The following KRT3 variants were observed in gnomAD, a reference collection of about 807,000 sequenced individuals.
The protein encoded by KRT3 is keratin, type II cytoskeletal 3.
In KRT3, 34 loss-of-function variants were observed where a neutral mutation model predicts 45.8. The observed-to-expected ratio is 0.74, with a 90% confidence interval of 0.57 to 0.99. The LOEUF is 0.99. Ranked by LOEUF, KRT3 falls within the 50% of genes least tolerant of loss-of-function variation. The probability of loss-of-function intolerance (pLI) is 0.00; values close to 1 mark genes in which losing one functional copy is unlikely to be tolerated. For synonymous variants in KRT3, 367 were observed against 329.0 expected (o/e 1.12, Z -1.25); for missense variants, 828 against 820.6 (o/e 1.01, Z -0.11).
intron 3 of KRT3, 81 bp from the exon 4 acceptor site, chr12:52,792,887 G>C (rs1939558102): frequency 7.5e-6 from 7 of 937,432 alleles, no homozygotes; most frequent in Admixed American, 1.8e-5. Context: ...AGAGCAGAGG[G>C]GACTGGTGCA....
chr12:52,795,237 G>A (rs1291834686), intron 1 of KRT3, among the ~76,000 whole-genome samples, 161 bp downstream of exon 1: 2 of 152,136 alleles, frequency 1.3e-5, no homozygotes, highest in African/African-American at 4.8e-5. Context: ...TGACCATGTA[G>A]ACAAACTCCT....
At chr12:52,793,973 G>T in intron 2 of KRT3, 138 bp downstream of exon 2, 1 of 665,210 alleles carries the variant, frequency 1.5e-6, no homozygotes. Context: ...AATGAACCAA[G>T]CTGTCCTTCA....
chr12:52,792,636 A>G (rs1939547604), intron 4 of KRT3, 75 bp downstream of exon 4: 1 of 1,153,108 alleles, frequency 8.7e-7, no homozygotes, highest in African/African-American at 1.5e-5. Context: ...GGGCCTATAT[A>G]CCAAAATGCA....
chr12:52,793,201 G>T lies in KRT3; in HGVS notation c.889C>A (p.Arg297Ser), dbSNP rs201121196. Residue 297 changes from arginine (R) to serine (S), a missense_variant, in exon 3 of 9, where the codon CGT becomes AGT. Physicochemically the swap from Arg to Ser is moderately radical, Grantham distance 110. Coordinates refer to ENST00000417996, the MANE Select transcript of KRT3 (RefSeq NM_057088.3). ...KKKYEDEINK[R>S]TAAENEFVTL... ...ACAAATTCATTCTCAGCAGCTGTAC[G>T]TTTATTGATTTCATCCTCATATCTG... 6.2e-7 allele frequency: 1 copy of T among 1,609,438 alleles called. No homozygotes were observed. The highest frequency in any genetic ancestry group is 8.5e-7 in the Non-Finnish European group (1 of 1,177,618).
At chr12:52,793,256 G>A (rs375458277) in intron 2 of KRT3, 33 bp from the exon 3 acceptor site, 1 of 1,514,876 alleles carries the variant, frequency 6.6e-7, no homozygotes, top group African/African-American at 1.4e-5. Flanking sequence ...GCTGAGTTTG[G>A]TTTTGAGGTC....
chr12:52,792,296 C>T lies in KRT3; in HGVS notation c.1131G>A (p.Gln377=). The T allele has an allele frequency of 6.2e-7, 1 of 1,614,182 alleles. No homozygotes were observed. The highest frequency in any genetic ancestry group is 2.2e-5 in the East Asian group (1 of 44,884). ...LDSIIAEVRA[Q]YEDIAQRSKA... ...TGCTTCTCTGAGCGATATCCTCATA[C>T]TGTGCACGAACTTCAGCAATGATGC... Residue 377 remains glutamine, a synonymous_variant, in exon 5 of 9, where the codon CAG becomes CAA. Transcript: ENST00000417996.
intron 6 of KRT3, 32 bp from the exon 7 acceptor site, chr12:52,791,458 A>G (rs768253920): frequency 1.2e-6 from 2 of 1,606,578 alleles, no homozygotes; most frequent in Admixed American, 1.7e-5. Context: ...GAATGAGCTC[A>G]GTAAGAGGGC....
In KRT3 at chr12:52,793,199, A is replaced by G. The variant is rs549689957; in HGVS notation, c.891T>C (p.Arg297=). 4.3e-6 allele frequency: 7 copies of G among 1,609,830 alleles called. No individual in the cohort carries two copies. The South Asian group carries it at 6.7e-5, about 15-fold the overall frequency. ...KKKYEDEINK[R]TAAENEFVTL... is the part of the protein sequence containing the mutation. ...TCACAAATTCATTCTCAGCAGCTGT[A>G]CGTTTATTGATTTCATCCTCATATC... Residue 297 remains arginine (R), a synonymous_variant, in exon 3 of 9, where the codon CGT becomes CGC. Transcript: ENST00000417996.
Position 52,790,120 on chromosome 12 carries a change from G to GC in KRT3, c.1808dup (p.Phe604LeufsTer124). ...CGCCCCGGTTGCTGGCCGAGCTGAA[G>GC]CCCCCGCCACTGACTCCATAGCGGG... On this transcript the variant is annotated frameshift_variant, in exon 9 of 9. Transcript: ENST00000417996. LOFTEE classifies it low-confidence loss of function (END_TRUNC). 1 of 1,543,846 alleles carries GC rather than the reference G, an allele frequency of 6.5e-7. No individual in the cohort carries two copies. Among genetic ancestry groups the GC allele is most frequent in the Non-Finnish European group, 8.7e-7 (1 of 1,146,776 alleles).
Position 52,795,601 on chromosome 12 carries a change from C to T in KRT3, c.442G>A (p.Gly148Ser), listed in dbSNP as rs1167053620. 6.3e-7 allele frequency: 1 copy of T among 1,595,082 alleles called. No homozygotes were observed. The highest frequency in any genetic ancestry group is 8.5e-7 in the Non-Finnish European group (1 of 1,170,682). ...GGPGGFGGSGGFGGPGSLGSP... is the reference protein window; with the variant it reads ...GGPGGFGGSGSFGGPGSLGSP... The stretch of plus-strand genomic sequence containing the variant: ...CCCAAGCTGCCAGGCCCACCAAAGC[C>T]ACCAGACCCACCAAAGCCACCAGGA... The change falls in exon 1 of 9, where the codon GGC becomes AGC. Residue 148 changes from glycine to serine, a missense_variant. Physicochemically the swap from Gly to Ser is moderately conservative, Grantham distance 56. Transcript: ENST00000417996.
chr12:52,791,890 A>T, intron 5 of KRT3, 74 bp from the exon 6 acceptor site: 1 of 1,510,020 alleles, frequency 6.6e-7, no homozygotes, highest in Non-Finnish European at 9.0e-7. Context: ...AACATCACCC[A>T]CCAAACCTTC....
Position 52,795,892 on chromosome 12 carries a change from C to T in KRT3, c.151G>A (p.Gly51Ser), listed in dbSNP as rs1352416793. ...GAYGFRSGAG[G>S]FGSRSLYNLG... is the part of the protein sequence containing the mutation. ...TTGTAGAGGCTGCGACTGCCAAAGC[C>T]ACCTGCTCCGCTCCGGAAGCCATAG... The change falls in exon 1 of 9, where the codon GGC becomes AGC. Residue 51 changes from glycine to serine, a missense_variant. Physicochemically the swap from Gly to Ser is moderately conservative, Grantham distance 56. Coordinates refer to ENST00000417996, the MANE Select transcript of KRT3 (RefSeq NM_057088.3). The T allele has an allele frequency of 6.2e-7, 1 of 1,614,028 alleles. No homozygotes were observed. The highest frequency in any genetic ancestry group is 1.1e-5 in the South Asian group (1 of 91,080).
chr12:52,793,994 G>A (rs772381292), intron 2 of KRT3, 117 bp downstream of exon 2: 1 of 729,758 alleles, frequency 1.4e-6, no homozygotes, highest in Non-Finnish European at 2.4e-6. Flanking sequence ...TGAAGGTAAG[G>A]AGAGGGAAAT....
Position 52,790,010 on chromosome 12 carries a change from G to A in KRT3, c.*32C>T, listed in dbSNP as rs1377896531. On this transcript the variant is annotated 3_prime_UTR_variant, in exon 9 of 9. Coordinates refer to ENST00000417996, the MANE Select transcript of KRT3 (RefSeq NM_057088.3). ...GGGGCGTGGGGAGCGGAGGGGAGGC[G>A]CTGGAGTGGCTGCGATGCTGATGCG... The A allele has an allele frequency of 1.3e-6, 2 of 1,532,552 alleles. No individual in the cohort carries two copies. The highest frequency in any genetic ancestry group is 8.8e-7 in the Non-Finnish European group (1 of 1,142,172). The allele number at this position is 1,532,552 out of a possible 1,614,324, so 94.9% of individuals were successfully genotyped here. A position where few individuals can be genotyped will look rare whatever the true frequency, so the allele number is the denominator to read the frequency against.
chr12:52,791,866 G>GC, intron 5 of KRT3, 50 bp from the exon 6 acceptor site: 4 of 1,584,422 alleles, frequency 2.5e-6, no homozygotes, highest in Non-Finnish European at 3.4e-6. Flanking sequence ...TGCTTGACTT[G>GC]TTTCTACACC....
At chr12:52,795,357 T>C in intron 1 of KRT3, 41 bp downstream of exon 1, 1 of 1,611,534 alleles carries the variant, frequency 6.2e-7, no homozygotes, top group South Asian at 1.1e-5. Flanking sequence ...AAATTCAAAG[T>C]CCCCAGCCCA....
chr12:52,792,552 C>T, intron 4 of KRT3, 149 bp from the exon 5 acceptor site: 1 of 988,196 alleles, frequency 1.0e-6, no homozygotes, highest in Non-Finnish European at 1.6e-6. Flanking sequence ...CTCAGAGAAC[C>T]CCATGTCTGC....
chr12:52,792,406 G>C lies in KRT3; in HGVS notation c.1024-3C>G. ...TGGCTCTGCATCTGAGATAGCTCCTGTCAACACAGAGGGAGCTTGTTCACT... is the reference window on the plus strand; with the variant it reads ...TGGCTCTGCATCTGAGATAGCTCCTCTCAACACAGAGGGAGCTTGTTCACT... On this transcript the variant is annotated splice_polypyrimidine_tract_variant and splice_region_variant and intron_variant, in intron 4 of 8. Coordinates refer to ENST00000417996, the MANE Select transcript of KRT3 (RefSeq NM_057088.3). 1 of 1,613,576 alleles carries C rather than the reference G, an allele frequency of 6.2e-7. No individual in the cohort carries two copies. Among genetic ancestry groups the C allele is most frequent in the Non-Finnish European group, 8.5e-7 (1 of 1,179,924 alleles).
chr12:52,791,595 T>C, intron 6 of KRT3, 96 bp downstream of exon 6: 1 of 1,545,316 alleles, frequency 6.5e-7, no homozygotes, highest in African/African-American at 1.4e-5. Flanking sequence ...CAGCCTGAGA[T>C]GACCTCCAGA....
Sources: allele counts gnomAD v4.1 joint callset (sites outside exome capture counted in the v4.1 genomes callset), GRCh38; gene constraint gnomAD v4.1.1; transcripts MANE v1.5; gene names NCBI Gene and HGNC (gene_info 2026-07-23, HGNC 2026-07-21).